The following FMO2 variants were observed in gnomAD, a reference collection of about 807,000 sequenced individuals.
The protein encoded by FMO2 is flavin-containing monooxygenase 2.
A neutral mutation model predicts 41.6 loss-of-function variants in FMO2; 33 were observed. The observed-to-expected ratio is 0.79, with a 90% CI of 0.60 to 1.06. FMO2 has a LOEUF of 1.06. FMO2 is among the 50% of genes least tolerant of loss of function. The probability of loss-of-function intolerance (pLI) is 0.00; values close to 1 mark genes in which losing one functional copy is unlikely to be tolerated. For missense variants in FMO2, 619 were observed against 632.9 expected (o/e 0.98, Z 0.23); for synonymous variants, 214 against 219.6 (o/e 0.97, Z 0.23).
intron 4 of FMO2, among the ~76,000 whole-genome samples, chr1:171,197,627 A>C (rs1658357990): frequency 6.6e-6 from 1 of 152,232 alleles, no homozygotes; most frequent in Non-Finnish European, 1.5e-5. Flanking sequence ...ATTGAGATTA[A>C]TCCCCAATGG....
At chr1:171,204,170 A>G (rs1658658885) in intron 6 of FMO2, 106 bp downstream of exon 6, 2 of 751,066 alleles carry the variant, frequency 2.7e-6, no homozygotes, top group Non-Finnish European at 2.3e-6. Context: ...AGTTAAAACT[A>G]CAATCTAACA....
At position 171,203,903 on chromosome 1, in the gene FMO2, C is replaced by T. The variant is rs1441783482; in HGVS notation, c.666C>T (p.Ser222=). ...CCAGGCATGGCACCTGGGTCATGAG[C>T]CGTATCTCTGAAGATGGCTATCCTT... ...ISTRHGTWVM[S]RISEDGYPWD... Residue 222 remains serine, a synonymous_variant, in exon 6 of 9, where the codon AGC becomes AGT. Transcript: ENST00000209929. 6.2e-7 allele frequency: 1 copy of T among 1,613,492 alleles called. No homozygotes were observed. Among genetic ancestry groups the T allele is most frequent in the Non-Finnish European group, 8.5e-7 (1 of 1,179,686 alleles).
At chr1:171,201,105 A>T (rs2236874) in intron 5 of FMO2, among the ~76,000 whole-genome samples, 78,302 of 151,956 alleles carry the variant, frequency 0.52, 21,388 homozygotes, top group African/African-American at 0.68. Context: ...TTGGCTCTAT[A>T]TGCATGCCTT....
At chr1:171,199,577 A>G (rs927554958) in intron 5 of FMO2, 89 bp downstream of exon 5, 5 of 1,295,918 alleles carry the variant, frequency 3.9e-6, no homozygotes, top group African/African-American at 3.0e-5. Flanking sequence ...CGCGGCTCCA[A>G]TCCTCATTAA....
At chr1:171,187,512 T>C (rs993925536) in intron 2 of FMO2, among the ~76,000 whole-genome samples, 1 of 151,904 alleles carries the variant, frequency 6.6e-6, no homozygotes, top group African/African-American at 2.4e-5. Context: ...GAGGGTTTCT[T>C]TTATTTTCTT....
chr1:171,199,340 CT>C lies in FMO2; in HGVS notation c.485-5del, dbSNP rs761255452. On this transcript the variant is annotated splice_region_variant and splice_polypyrimidine_tract_variant and intron_variant, in intron 4 of 8. Coordinates refer to ENST00000209929, the MANE Select transcript of FMO2 (RefSeq NM_001460.5). ...CTCACAGACTTCTCTCTTCTTCCCC[CT>C]GAAGGTATGGAGAGGTTCAAAGGCC... 8.2e-6 allele frequency: 13 copies of C among 1,584,278 alleles called. No homozygotes were observed. Among genetic ancestry groups the C allele is most frequent in the African/African-American group, 1.4e-5 (1 of 73,296 alleles).
In FMO2 at chr1:171,208,893, CTT is replaced by C; in HGVS notation, c.1357_1358del (p.Leu453ValfsTer5). The C allele has an allele frequency of 1.2e-6, 2 of 1,614,000 alleles. No homozygotes were observed. Among genetic ancestry groups the C allele is most frequent in the Non-Finnish European group, 1.7e-6 (2 of 1,179,912 alleles). On this transcript the variant is annotated frameshift_variant, in exon 9 of 9. Coordinates refer to ENST00000209929, the MANE Select transcript of FMO2 (RefSeq NM_001460.5). LOFTEE classifies it low-confidence loss of function (END_TRUNC). ...IGAKPDFCSL[L>X]FKDPKLAVRL... ...GTGCGAAGCCAGATTTCTGCTCTCT[CTT>C]GTTCAAAGATCCTAAACTGGCTGTG... is the stretch of plus-strand genomic sequence containing the variant.
chr1:171,203,548 G>A (rs1297985713), intron 5 of FMO2, among the ~76,000 whole-genome samples: 1 of 151,958 alleles, frequency 6.6e-6, no homozygotes, highest in Non-Finnish European at 1.5e-5. Context: ...GAGGAGGGAG[G>A]GAGGAACTTT....
At chr1:171,191,875 A>C (rs1333471067) in intron 2 of FMO2, among the ~76,000 whole-genome samples, 2 of 150,746 alleles carry the variant, frequency 1.3e-5, no homozygotes, top group African/African-American at 4.9e-5. Flanking sequence ...AAAAAAAAAA[A>C]AAAAATACAA....
chr1:171,204,543 C>A (rs1658673835), intron 6 of FMO2, among the ~76,000 whole-genome samples: 2 of 152,064 alleles, frequency 1.3e-5, no homozygotes, highest in African/African-American at 2.4e-5. Context: ...TAAGCACAAG[C>A]AAATGTTATG....
At position 171,199,339 on chromosome 1, in the gene FMO2, C is replaced by T. The variant is rs1184476365; in HGVS notation, c.485-7C>T. 1.9e-6 allele frequency: 3 copies of T among 1,582,560 alleles called. No individual in the cohort carries two copies. Among genetic ancestry groups the T allele is most frequent in the Admixed American group, 3.6e-5 (2 of 55,042 alleles). On this transcript the variant is annotated splice_polypyrimidine_tract_variant and splice_region_variant and intron_variant, in intron 4 of 8. Coordinates refer to ENST00000209929, the MANE Select transcript of FMO2 (RefSeq NM_001460.5). ...GCTCACAGACTTCTCTCTTCTTCCC[C>T]CTGAAGGTATGGAGAGGTTCAAAGG...
Position 171,209,377 on chromosome 1 carries a change from C to T in FMO2, c.*232C>T, listed in dbSNP as rs532956235. 5 of 357,644 alleles carry T rather than the reference C, an allele frequency of 1.4e-5. No individual in the cohort carries two copies. The highest frequency in any genetic ancestry group is 1.0e-4 in the African/African-American group (5 of 47,860). The allele number at this position is 357,644 out of a possible 1,614,324, so 22.2% of individuals were successfully genotyped here. A position where few individuals can be genotyped will look rare whatever the true frequency, so the allele number is the denominator to read the frequency against. The stretch of plus-strand genomic sequence containing the variant: ...GCTTCCCTCAGTTCACCAAAGTTAC[C>T]AAAATGTAAAATAAAATAAGACTGG... On this transcript the variant is annotated 3_prime_UTR_variant, in exon 9 of 9. Transcript: ENST00000209929.
rs567936350 is a variant in FMO2, at chr1:171,211,547, A to C, written c.*2402A>C. ...GGAAATATAGCTCCACTAGGAAAAT[A>C]TTATTAAATTTATATCCCTAAAATT... is the stretch of plus-strand genomic sequence containing the variant. On this transcript the variant is annotated 3_prime_UTR_variant, in exon 9 of 9. Transcript: ENST00000209929. Among the ~76,000 whole-genome samples the C allele has an allele frequency of 1.3e-5, 2 of 152,086 alleles. No individual in the cohort carries two copies. The highest frequency in any genetic ancestry group is 3.9e-4 in the East Asian group (2 of 5,188).
At position 171,200,584 on chromosome 1, in the gene FMO2, C is replaced by T. The variant is rs28369880; in HGVS notation, c.627+1096C>T. ...CCCAGTGGCAAAAGTTACAAGCAAACATGACACCCGCCCAGCAGGTTAATG... is the reference window on the plus strand; with the variant it reads ...CCCAGTGGCAAAAGTTACAAGCAAATATGACACCCGCCCAGCAGGTTAATG... On this transcript the variant is annotated intron_variant, in intron 5 of 8. Coordinates refer to ENST00000209929, the MANE Select transcript of FMO2 (RefSeq NM_001460.5). 5.5e-3 allele frequency among the ~76,000 whole-genome samples: 838 copies of T among 152,258 alleles called. 14 individuals are homozygous for T. Among genetic ancestry groups the T allele is most frequent in the African/African-American group, 0.015 (639 of 41,552 alleles).
At chr1:171,186,017 A>C in intron 2 of FMO2, 172 bp downstream of exon 2, 2 of 668,324 alleles carry the variant, frequency 3.0e-6, no homozygotes, top group Non-Finnish European at 4.8e-6. Context: ...TCTCTCCCCC[A>C]GTCAATACTA....
chr1:171,199,284 T>C, intron 4 of FMO2, 62 bp from the exon 5 acceptor site: 1 of 1,451,536 alleles, frequency 6.9e-7, no homozygotes, highest in Non-Finnish European at 9.2e-7. Flanking sequence ...TGCAGTTTTA[T>C]TGAAATTAGC....
intron 6 of FMO2, 34 bp from the exon 7 acceptor site, chr1:171,205,245 A>G (rs1326578847): frequency 1.5e-6 from 2 of 1,360,668 alleles, no homozygotes; most frequent in African/African-American, 1.5e-5. Context: ...TCAGCAAATG[A>G]TCCTTCAGAA....
At chr1:171,193,618 AG>A in intron 3 of FMO2, 95 bp downstream of exon 3, 1 of 810,098 alleles carries the variant, frequency 1.2e-6, no homozygotes, top group Non-Finnish European at 2.0e-6. Context: ...TTATGAATGA[AG>A]TATCCCATTC....
rs765479366 is a variant in FMO2 at position 171,187,627 on chromosome 1, C to CAA, written c.132+1808_132+1809dup. ...TGATTCCTTTGGTTAAACCTGCCAC[C>CAA]AAAAAAAAAAAAAAAAAAAAAAAAA... On this transcript the variant is annotated intron_variant, in intron 2 of 8. Coordinates refer to ENST00000209929, the MANE Select transcript of FMO2 (RefSeq NM_001460.5). 3.3e-3 allele frequency among the ~76,000 whole-genome samples: 274 copies of CAA among 82,566 alleles called. 8 individuals are homozygous for CAA. Among genetic ancestry groups the CAA allele is most frequent in the Non-Finnish European group, 4.4e-3 (170 of 38,714 alleles). The allele number at this position is 82,566 out of a possible 152,430, so 54.2% of individuals were successfully genotyped here. A position where few individuals can be genotyped will look rare whatever the true frequency, so the allele number is the denominator to read the frequency against.
Sources: allele counts gnomAD v4.1 joint callset (sites outside exome capture counted in the v4.1 genomes callset), GRCh38; gene constraint gnomAD v4.1.1; transcripts MANE v1.5; gene names NCBI Gene and HGNC (gene_info 2026-07-23, HGNC 2026-07-21).